Variants in TKTL1 observed in about 807,000 individuals in gnomAD.
The protein encoded by TKTL1 is transketolase like 1.
Under a neutral mutation model 39.3 loss-of-function variants are expected in TKTL1, and 1 was observed. That is an observed-to-expected ratio of 0.03 (90% CI 0.01 to 0.12). The LOEUF (loss-of-function observed/expected upper bound fraction) is 0.12. Ranked by LOEUF, TKTL1 falls within the 10% of genes least tolerant of loss-of-function variation. TKTL1 has a pLI of 1.00. For synonymous variants in TKTL1, 262 were observed against 193.8 expected (o/e 1.35, Z -2.92); for missense variants, 575 against 509.6 (o/e 1.13, Z -1.24).
At chrX:154,305,223 T>C in intron 1 of TKTL1, 81 bp from the exon 2 acceptor site, 1 of 1,185,984 alleles carries the variant, frequency 8.4e-7, no homozygotes, top group Non-Finnish European at 1.1e-6. Context: ...TGACCGCTTC[T>C]ATGAGGAGAC....
At chrX:154,325,945 A>G (rs1414975530) in intron 10 of TKTL1, among the ~76,000 whole-genome samples, 2 of 112,157 alleles carry the variant, frequency 1.8e-5, no homozygotes, top group Non-Finnish European at 3.8e-5. Flanking sequence ...GATGGATCAC[A>G]CCACTGTACT....
intron 7 of TKTL1, among the ~76,000 whole-genome samples, chrX:154,318,065 T>TTTTTTA (rs1157817360): frequency 6.3e-5 from 7 of 111,477 alleles, no homozygotes; most frequent in Non-Finnish European, 1.3e-4. Context: ...CTAACATCTT[T>TTTTTTA]TTTTTATTTT....
intron 11 of TKTL1, 70 bp from the exon 12 acceptor site, chrX:154,327,769 T>C (rs2067504007): frequency 8.3e-7 from 1 of 1,202,194 alleles, no homozygotes; most frequent in African/African-American, 1.8e-5. Flanking sequence ...TGAGTGCTCT[T>C]TTTATTTTTA....
chrX:154,318,798 C>A (rs1369404824), intron 7 of TKTL1, among the ~76,000 whole-genome samples: 2 of 109,621 alleles, frequency 1.8e-5, no homozygotes, highest in African/African-American at 6.6e-5. Context: ...TCATGCCAAG[C>A]CACTTTTCTT....
At chrX:154,313,933 CAA>C (rs78101259) in intron 6 of TKTL1, among the ~76,000 whole-genome samples, 5 of 64,280 alleles carry the variant, frequency 7.8e-5, no homozygotes, top group Admixed American at 3.7e-4. Context: ...GACTCTGTCT[CAA>C]AAAAAAAAAA....
chrX:154,297,681 G>C (rs1317768414), intron 1 of TKTL1, among the ~76,000 whole-genome samples: 1 of 111,296 alleles, frequency 9.0e-6, no homozygotes, highest in Non-Finnish European at 1.9e-5. Context: ...GCTCCAACCT[G>C]TAATCCCAGG....
At chrX:154,311,594 G>A (rs1446179339) in intron 5 of TKTL1, among the ~76,000 whole-genome samples, 5 of 110,989 alleles carry the variant, frequency 4.5e-5, no homozygotes, top group African/African-American at 1.3e-4. Flanking sequence ...ACCTACACAC[G>A]TGCCTAGGCC....
chrX:154,310,753 C>T, intron 3 of TKTL1, 83 bp from the exon 4 acceptor site: 2 of 868,575 alleles, frequency 2.3e-6, no homozygotes, highest in Non-Finnish European at 3.3e-6. Context: ...CCAGTTGCGT[C>T]CGTTTCTCCT....
At chrX:154,312,173 C>T (rs1380914036) in intron 5 of TKTL1, among the ~76,000 whole-genome samples, 2 of 112,572 alleles carry the variant, frequency 1.8e-5, no homozygotes, top group Non-Finnish European at 1.9e-5. Context: ...TCTGCCCTAC[C>T]TGTCTCTCCA....
At chrX:154,315,101 C>T (rs1477926745) in intron 6 of TKTL1, 72 bp from the exon 7 acceptor site, 3 of 1,033,830 alleles carry the variant, frequency 2.9e-6, no homozygotes, top group Non-Finnish European at 4.0e-6. Context: ...CAATATGGTA[C>T]CTTCCTTCTG....
intron 6 of TKTL1, 61 bp downstream of exon 6, chrX:154,312,834 T>TTG: frequency 9.5e-7 from 1 of 1,051,595 alleles, no homozygotes; most frequent in Non-Finnish European, 1.3e-6. Context: ...TTCTCTAATG[T>TTG]TGTTCGTATG....
At chrX:154,310,255 G>A (rs1290268661) in intron 3 of TKTL1, among the ~76,000 whole-genome samples, 1 of 109,725 alleles carries the variant, frequency 9.1e-6, no homozygotes, top group South Asian at 4.0e-4. Flanking sequence ...TCAGGAGTTC[G>A]AGACCAGCCT....
At chrX:154,296,790 G>A (rs1430721281) in intron 1 of TKTL1, among the ~76,000 whole-genome samples, 2 of 111,370 alleles carry the variant, frequency 1.8e-5, no homozygotes, top group Non-Finnish European at 3.8e-5. Flanking sequence ...CGAGGCAGAC[G>A]GATCGTGTGA....
chrX:154,308,359 G>A (rs914798886), intron 2 of TKTL1, among the ~76,000 whole-genome samples: 1 of 112,188 alleles, frequency 8.9e-6, no homozygotes, highest in Non-Finnish European at 1.9e-5. Context: ...GAGCAGCAAG[G>A]AGGCCAGGGT....
intron 6 of TKTL1, among the ~76,000 whole-genome samples, chrX:154,314,520 C>G (rs781840154): frequency 1.8e-5 from 2 of 111,045 alleles, no homozygotes; most frequent in African/African-American, 6.5e-5. Flanking sequence ...AAAAGCAATT[C>G]ATAAAACTCA....
rs782795651 is a variant in TKTL1 at position 154,329,633 on chromosome X, A to G, written c.1736A>G (p.Tyr579Cys). Residue 579 changes from tyrosine to cysteine, a missense_variant, in exon 13 of 13, where the codon TAT becomes TGT. Coordinates refer to ENST00000369915, the MANE Select transcript of TKTL1 (RefSeq NM_012253.4). ...SGKSEELLDM[Y>C]GISARHIIVA... ...AAGTCCGAGGAATTGCTGGATATGT[A>G]TGGAATTAGTGCCAGACATATCATA... is the stretch of plus-strand genomic sequence containing the variant. 1.2e-5 allele frequency: 15 copies of G among 1,210,159 alleles called. No individual in the cohort carries two copies. Among genetic ancestry groups the G allele is most frequent in the Non-Finnish European group, 1.6e-5 (14 of 895,043 alleles).
At chrX:154,323,125 C>G in intron 8 of TKTL1, 82 bp from the exon 9 acceptor site, 1 of 1,138,809 alleles carries the variant, frequency 8.8e-7, no homozygotes. Flanking sequence ...GGAATAATTG[C>G]TTCTTCAGAG....
intron 1 of TKTL1, 146 bp downstream of exon 1, chrX:154,296,139 G>A (rs1467876379): frequency 2.6e-6 from 2 of 776,019 alleles, no homozygotes; most frequent in Non-Finnish European, 3.6e-6. Flanking sequence ...GGCTGTTGGG[G>A]CCCGGTCGAG....
intron 1 of TKTL1, among the ~76,000 whole-genome samples, chrX:154,302,482 T>C (rs2067281556): frequency 9.0e-6 from 1 of 111,022 alleles, no homozygotes; most frequent in Admixed American, 9.6e-5. Flanking sequence ...GAGCACTACC[T>C]TCCCCCCCGT....
Sources: allele counts gnomAD v4.1 joint callset (sites outside exome capture counted in the v4.1 genomes callset), GRCh38; gene constraint gnomAD v4.1.1; transcripts MANE v1.5; gene names NCBI Gene and HGNC (gene_info 2026-07-23, HGNC 2026-07-21).